Variants in LDHAL6A observed in about 807,000 individuals in gnomAD.
LDHAL6A encodes L-lactate dehydrogenase A-like 6A.
In LDHAL6A, 19 loss-of-function variants were observed where a neutral mutation model predicts 28.2. The observed-to-expected ratio is 0.67, with a 90% confidence interval of 0.47 to 0.99. The LOEUF (loss-of-function observed/expected upper bound fraction) is 0.99, where lower values mean the gene tolerates loss of function less well. LDHAL6A is among the 50% of genes least tolerant of loss of function. LDHAL6A has a pLI of 0.00. For synonymous variants in LDHAL6A, 144 were observed against 134.4 expected (o/e 1.07, Z -0.49); for missense variants, 372 against 398.6 (o/e 0.93, Z 0.57).
intron 1 of LDHAL6A, among the ~76,000 whole-genome samples, chr11:18,459,491 G>C (rs961776686): frequency 2.0e-5 from 3 of 152,266 alleles, no homozygotes; most frequent in East Asian, 3.9e-4. Flanking sequence ...TCCTCGGCTT[G>C]CAAATGGCCT....
rs1590242411 is a variant in LDHAL6A, at chr11:18,456,480, C to T, written c.-201C>T. 1.8e-6 allele frequency: 1 copy of T among 553,562 alleles called. No individual in the cohort carries two copies. The highest frequency in any genetic ancestry group is 3.2e-5 in the East Asian group (1 of 31,130). 34.3% of individuals were successfully genotyped at this position (553,562 alleles called of 1,614,324 possible). The stretch of plus-strand genomic sequence containing the variant: ...CTTCCCCTGGTCCGCTTCATGGATG[C>T]TGAGCTGCCTGGCCAGAACCTACCC... On this transcript the variant is annotated 5_prime_UTR_variant, in exon 1 of 7. Transcript: ENST00000280706.
rs369992228 is a variant in LDHAL6A, at chr11:18,475,476, A to G, written c.429A>G (p.Leu143=). 6.8e-6 allele frequency: 11 copies of G among 1,612,616 alleles called. No individual in the cohort carries two copies. The highest frequency in any genetic ancestry group is 9.3e-6 in the Non-Finnish European group (11 of 1,179,212). The change falls in exon 4 of 7, where the codon TTA becomes TTG. Residue 143 remains leucine (L), a synonymous_variant. Coordinates refer to ENST00000280706, the MANE Select transcript of LDHAL6A (RefSeq NM_144972.5). ...LLIVTNPVDI[L]TYVAWKLSGF... ...ACTTTTTCTTCTTAGTGGATATCTT[A>G]ACTTATGTAGCCTGGAAGTTGAGTG...
chr11:18,456,895 T>C, intron 1 of LDHAL6A, 89 bp downstream of exon 1: 1 of 1,393,544 alleles, frequency 7.2e-7, no homozygotes, highest in Non-Finnish European at 9.6e-7. Flanking sequence ...CAGTTCAAGG[T>C]GGTGAGTGGG....
intron 3 of LDHAL6A, among the ~76,000 whole-genome samples, chr11:18,466,722 T>G (rs1034009548): frequency 7.9e-5 from 12 of 151,898 alleles, no homozygotes; most frequent in African/African-American, 2.4e-4. Context: ...TCAAGGTTTA[T>G]ATTCTAAAGG....
At chr11:18,458,555 C>T (rs1365141431) in intron 1 of LDHAL6A, among the ~76,000 whole-genome samples, 6 of 152,190 alleles carry the variant, frequency 3.9e-5, no homozygotes, top group Non-Finnish European at 7.3e-5. Flanking sequence ...GGTTAAGGCT[C>T]ACTTTAATCT....
chr11:18,469,469 G>T (rs1849204621), intron 3 of LDHAL6A, among the ~76,000 whole-genome samples: 1 of 152,096 alleles, frequency 6.6e-6, no homozygotes, highest in Non-Finnish European at 1.5e-5. Context: ...GTCTATTAAA[G>T]AATATTTAAT....
chr11:18,478,905 A>C lies in LDHAL6A; in HGVS notation c.*35A>C. 6.5e-7 allele frequency: 1 copy of C among 1,531,342 alleles called. No individual in the cohort carries two copies. 94.9% of individuals were successfully genotyped at this position (1,531,342 alleles called of 1,614,324 possible). A position where few individuals can be genotyped will look rare whatever the true frequency, so the allele number is the denominator to read the frequency against. ...AAGCTAATTCTGTAGATTGAAGATG[A>C]AATAGTAGTTATGGAATTGTATATG... is the stretch of plus-strand genomic sequence containing the variant. On this transcript the variant is annotated 3_prime_UTR_variant, in exon 7 of 7. Coordinates refer to ENST00000280706, the MANE Select transcript of LDHAL6A (RefSeq NM_144972.5).
At chr11:18,469,678 CTA>C (rs1291567596) in intron 3 of LDHAL6A, among the ~76,000 whole-genome samples, 1 of 152,160 alleles carries the variant, frequency 6.6e-6, no homozygotes, top group Non-Finnish European at 1.5e-5. Context: ...TCTTCCATAT[CTA>C]TTTAGAAAAC....
chr11:18,455,984 G>A lies in LDHAL6A; in HGVS notation c.-697G>A, dbSNP rs1848743101. 1 of 152,432 alleles carries A rather than the reference G, an allele frequency of 6.6e-6. No homozygotes were observed. Among genetic ancestry groups the A allele is most frequent in the African/African-American group, 2.4e-5 (1 of 41,418 alleles). The allele number at this position is 152,432 out of a possible 1,614,324, so 9.4% of individuals were successfully genotyped here. A position where few individuals can be genotyped will look rare whatever the true frequency, so the allele number is the denominator to read the frequency against. On this transcript the variant is annotated 5_prime_UTR_variant, in exon 1 of 7. Coordinates refer to ENST00000280706, the MANE Select transcript of LDHAL6A (RefSeq NM_144972.5). The stretch of plus-strand genomic sequence containing the variant: ...TGCGGTCCGCGCAGCTGCAGTAAGG[G>A]GGCGACCCGGCGTCTGTTAGTCGGC...
rs1491169833 is a variant in LDHAL6A, at chr11:18,468,024, CGT to C, written c.418+2215_418+2216del. On this transcript the variant is annotated intron_variant, in intron 3 of 6. Transcript: ENST00000280706. ...ATACGTATATATATACATATATATACGTATATATATATACATATATATACGTA... is the reference window on the plus strand; with the variant it reads ...ATACGTATATATATACATATATATACATATATATATACATATATATACGTA... Among the ~76,000 whole-genome samples the C allele has an allele frequency of 2.0e-3, 117 of 58,218 alleles. 3 individuals are homozygous for C. Among genetic ancestry groups the C allele is most frequent in the African/African-American group, 9.4e-3 (111 of 11,756 alleles). The allele number at this position is 58,218 out of a possible 152,430, so 38.2% of individuals were successfully genotyped here.
At chr11:18,463,937 C>A in intron 1 of LDHAL6A, 24 bp from the exon 2 acceptor site, 1 of 1,439,208 alleles carries the variant, frequency 6.9e-7, no homozygotes, top group South Asian at 1.1e-5. Context: ...CACTCACACC[C>A]ATTGGACTAA....
At chr11:18,478,028 G>T (rs1033449836) in intron 6 of LDHAL6A, among the ~76,000 whole-genome samples, 1 of 152,132 alleles carries the variant, frequency 6.6e-6, no homozygotes, top group Non-Finnish European at 1.5e-5. Context: ...GAAACATTGG[G>T]AACCACTATG....
chr11:18,475,509 C>T lies in LDHAL6A; in HGVS notation c.462C>T (p.Pro154=), dbSNP rs764705396. 3.1e-6 allele frequency: 5 copies of T among 1,613,804 alleles called. No homozygotes were observed. In the Admixed American group the frequency reaches 8.3e-5, roughly 27 times the overall value. The change falls in exon 4 of 7, where the codon CCC becomes CCT. Residue 154 remains proline, a synonymous_variant. Transcript: ENST00000280706. ...TAGCCTGGAAGTTGAGTGGATTTCC[C>T]AAAAACCGTGTTATTGGAAGTGGTT... ...TYVAWKLSGF[P]KNRVIGSGCN...
At chr11:18,469,082 GT>G in intron 3 of LDHAL6A, 2 of 453,574 alleles carry the variant, frequency 4.4e-6, no homozygotes, top group Non-Finnish European at 3.9e-6. Context: ...TTTCCAGTAA[GT>G]TTTTTCACAT....
chr11:18,461,656 C>T (rs899257073), intron 1 of LDHAL6A, among the ~76,000 whole-genome samples: 2 of 151,660 alleles, frequency 1.3e-5, no homozygotes, highest in African/African-American at 4.8e-5. Context: ...TGAGACCAGC[C>T]TGGCCAACAT....
chr11:18,473,049 TAAAA>T (rs538269604), intron 3 of LDHAL6A, among the ~76,000 whole-genome samples: 85 of 148,974 alleles, frequency 5.7e-4, no homozygotes, highest in African/African-American at 2.0e-3. Context: ...CTACTACACT[TAAAA>T]AAAAAACCCA....
intron 3 of LDHAL6A, among the ~76,000 whole-genome samples, chr11:18,474,222 G>C (rs1165131950): frequency 6.6e-6 from 1 of 151,616 alleles, no homozygotes; most frequent in Non-Finnish European, 1.5e-5. Context: ...GGGATTACAG[G>C]TGTCCACCAC....
rs529796495 is a variant in LDHAL6A, at chr11:18,479,003, C to G, written c.*133C>G. On this transcript the variant is annotated 3_prime_UTR_variant, in exon 7 of 7. Transcript: ENST00000280706. ...GAAAGAGTGACCTATTTAGTATAGC[C>G]TTCCAGCTTTTTTTTTTTTCTTTTT... is the stretch of plus-strand genomic sequence containing the variant. 3 of 752,934 alleles carry G rather than the reference C, an allele frequency of 4.0e-6. No homozygotes were observed. The highest frequency in any genetic ancestry group is 6.3e-6 in the Non-Finnish European group (3 of 475,890). The allele number at this position is 752,934 out of a possible 1,614,324, so 46.6% of individuals were successfully genotyped here.
At chr11:18,457,460 T>TA (rs34553490) in intron 1 of LDHAL6A, among the ~76,000 whole-genome samples, 152,153 of 152,288 alleles carry the variant, frequency 1, 76,009 homozygotes, top group Middle Eastern at 1. Context: ...TAAAATGTTT[T>TA]AGCCATCTTT....
Sources: gnomAD v4.1 joint callset for allele counts (sites outside exome capture counted in the v4.1 genomes callset) on GRCh38, gnomAD v4.1.1 for gene constraint, MANE v1.5 for transcripts, NCBI Gene and HGNC (gene_info 2026-07-23, HGNC 2026-07-21) for gene names.